Variants in SESTD1 observed in about 807,000 individuals in gnomAD.
The protein encoded by SESTD1 is SEC14 domain and spectrin repeat-containing protein 1.
In SESTD1, 43 loss-of-function variants were observed where a neutral mutation model predicts 101.7. The ratio of observed to expected loss-of-function variants is 0.42; its 90% CI spans 0.33 to 0.55. The LOEUF (loss-of-function observed/expected upper bound fraction) is 0.55, where lower values mean the gene tolerates loss of function less well. Ranked by LOEUF, SESTD1 falls within the 20% of genes least tolerant of loss-of-function variation. The probability of loss-of-function intolerance (pLI) is 0.07; values close to 1 mark genes in which losing one functional copy is unlikely to be tolerated. For synonymous variants in SESTD1, 283 were observed against 286.8 expected (o/e 0.99, Z 0.13); for missense variants, 647 against 815.1 (o/e 0.79, Z 2.51).
intron 1 of SESTD1, among the ~76,000 whole-genome samples, chr2:179,258,062 G>A (rs750589568): frequency 6.6e-6 from 1 of 152,152 alleles, no homozygotes; most frequent in African/African-American, 2.4e-5. Context: ...CTTTTACTCA[G>A]TTTCTTCCTT....
intron 1 of SESTD1, among the ~76,000 whole-genome samples, chr2:179,197,434 A>G (rs192073564): frequency 6.8e-4 from 103 of 152,336 alleles, no homozygotes; most frequent in Non-Finnish European, 1.2e-3. Flanking sequence ...GCAGGCCAAC[A>G]TTCACATTCA....
chr2:179,254,234 AG>A, intron 1 of SESTD1, among the ~76,000 whole-genome samples: 1 of 152,328 alleles, frequency 6.6e-6, no homozygotes, highest in East Asian at 1.9e-4. Flanking sequence ...AATAATGTAG[AG>A]GATTAATGAG....
At chr2:179,134,511 A>G (rs939624365) in intron 9 of SESTD1, among the ~76,000 whole-genome samples, 1 of 152,176 alleles carries the variant, frequency 6.6e-6, no homozygotes, top group Non-Finnish European at 1.5e-5. Context: ...TCAATACTTC[A>G]ATTCTCTATT....
At chr2:179,113,119 A>C (rs957527489) in intron 16 of SESTD1, among the ~76,000 whole-genome samples, 3 of 152,222 alleles carry the variant, frequency 2.0e-5, no homozygotes, top group Admixed American at 1.3e-4. Flanking sequence ...GGTGATTTCC[A>C]AGAAAGAAAA....
At chr2:179,256,297 T>G (rs762315577) in intron 1 of SESTD1, among the ~76,000 whole-genome samples, 1 of 152,240 alleles carries the variant, frequency 6.6e-6, no homozygotes, top group African/African-American at 2.4e-5. Flanking sequence ...TTCATCAATC[T>G]AGACTCCATT....
At position 179,210,209 on chromosome 2, in the gene SESTD1, G is replaced by C. The variant is rs540013145; in HGVS notation, c.-25-18343C>G. Among the ~76,000 whole-genome samples the C allele has an allele frequency of 1.5e-5, 2 of 134,092 alleles. 1 individual carries two copies. The highest frequency in any genetic ancestry group is 5.9e-5 in the African/African-American group (2 of 33,994). The allele number at this position is 134,092 out of a possible 152,430, so 88.0% of individuals were successfully genotyped here. On this transcript the variant is annotated intron_variant, in intron 1 of 17. Transcript: ENST00000428443. ...GAAACAGTAATTTAAAAATTCCAAC[G>C]AAAGAAGTTGAGGACTAGATGGATT... is the stretch of plus-strand genomic sequence containing the variant.
At chr2:179,123,562 C>T (rs1317296671) in intron 12 of SESTD1, among the ~76,000 whole-genome samples, 153 bp downstream of exon 12, 1 of 151,892 alleles carries the variant, frequency 6.6e-6, no homozygotes. Context: ...AAATTATAAC[C>T]CCTCAAGGGA....
At chr2:179,216,758 C>T (rs1334208979) in intron 1 of SESTD1, among the ~76,000 whole-genome samples, 1 of 134,866 alleles carries the variant, frequency 7.4e-6, no homozygotes, top group African/African-American at 2.9e-5. Context: ...GTAACCAAAA[C>T]AGCATGGTAC....
chr2:179,199,379 A>G (rs1173003974), intron 1 of SESTD1, among the ~76,000 whole-genome samples: 1 of 152,218 alleles, frequency 6.6e-6, no homozygotes, highest in African/African-American at 2.4e-5. Context: ...CAGAGGTACA[A>G]GGAGGAACTG....
chr2:179,116,955 G>T (rs1156736409), intron 14 of SESTD1, among the ~76,000 whole-genome samples, 165 bp from the exon 15 acceptor site: 1 of 152,122 alleles, frequency 6.6e-6, no homozygotes. Flanking sequence ...ATGAATTAAT[G>T]ACCTGTCCTA....
intron 8 of SESTD1, among the ~76,000 whole-genome samples, chr2:179,144,971 TATA>T (rs1268915787): frequency 1.3e-5 from 2 of 152,104 alleles, no homozygotes; most frequent in Admixed American, 6.5e-5. Context: ...CTGCTAAATA[TATA>T]ATAATTCAGA....
chr2:179,222,506 A>T (rs2046829029), intron 1 of SESTD1, among the ~76,000 whole-genome samples: 1 of 152,164 alleles, frequency 6.6e-6, no homozygotes, highest in African/African-American at 2.4e-5. Context: ...CACTGAGGCC[A>T]CCGTGAAAGC....
At chr2:179,144,114 GT>G (rs34904226) in intron 8 of SESTD1, among the ~76,000 whole-genome samples, 18,374 of 151,746 alleles carry the variant, frequency 0.12, 1,226 homozygotes, top group South Asian at 0.24. Flanking sequence ...CATACATACG[GT>G]TTATATTTTT....
At chr2:179,189,440 A>G (rs185832987) in intron 2 of SESTD1, among the ~76,000 whole-genome samples, 162 of 152,314 alleles carry the variant, frequency 1.1e-3, no homozygotes, top group Non-Finnish European at 1.4e-3. Flanking sequence ...AAAGCTATCT[A>G]TAGACAAACC....
At chr2:179,250,078 AAAGAC>A (rs1281995631) in intron 1 of SESTD1, among the ~76,000 whole-genome samples, 1 of 152,190 alleles carries the variant, frequency 6.6e-6, no homozygotes, top group Non-Finnish European at 1.5e-5. Context: ...AAAACAATGA[AAAGAC>A]AAGCTACAGA....
At chr2:179,153,481 AAC>A (rs1055217971) in intron 5 of SESTD1, among the ~76,000 whole-genome samples, 1 of 152,078 alleles carries the variant, frequency 6.6e-6, no homozygotes, top group Admixed American at 6.5e-5. Context: ...ATTTTAAATG[AAC>A]ACACACACAC....
At chr2:179,140,910 C>G (rs1287566774) in intron 9 of SESTD1, among the ~76,000 whole-genome samples, 2 of 152,204 alleles carry the variant, frequency 1.3e-5, no homozygotes, top group African/African-American at 4.8e-5. Flanking sequence ...CACACTTTCT[C>G]ATCTCTGGCC....
In SESTD1 at chr2:179,116,809, C is replaced by A; in HGVS notation, c.1525-19G>T. The A allele has an allele frequency of 6.2e-7, 1 of 1,609,326 alleles. No individual in the cohort carries two copies. Among genetic ancestry groups the A allele is most frequent in the Non-Finnish European group, 8.5e-7 (1 of 1,176,692 alleles). ...CTACTGCCTAAACAAAAAGACATAA[C>A]AATGAAGCTGGATTCAGAACTCTTT... On this transcript the variant is annotated intron_variant, in intron 14 of 17. Coordinates refer to ENST00000428443, the MANE Select transcript of SESTD1 (RefSeq NM_178123.5).
At chr2:179,192,606 G>A (rs577911017) in intron 1 of SESTD1, among the ~76,000 whole-genome samples, 3 of 152,234 alleles carry the variant, frequency 2.0e-5, no homozygotes, top group African/African-American at 7.2e-5. Context: ...CATAGCCAGG[G>A]GTTATAGCTA....
Sources: allele counts gnomAD v4.1 joint callset (sites outside exome capture counted in the v4.1 genomes callset), GRCh38; gene constraint gnomAD v4.1.1; transcripts MANE v1.5; gene names NCBI Gene and HGNC (gene_info 2026-07-23, HGNC 2026-07-21).